Variants in SUCLG2 observed in about 807,000 individuals in gnomAD.
SUCLG2 encodes succinate--CoA ligase [GDP-forming] subunit beta, mitochondrial.
SUCLG2 carries 42 observed loss-of-function variants against 47.9 expected under a neutral mutation model. The ratio of observed to expected loss-of-function variants is 0.88; its 90% CI spans 0.69 to 1.14. SUCLG2 has a LOEUF of 1.14. Among genes scored for constraint, SUCLG2 ranks in the 50% most tolerant of loss-of-function variants. The probability of loss-of-function intolerance (pLI) is 0.00; values close to 1 mark genes in which losing one functional copy is unlikely to be tolerated. For synonymous variants in SUCLG2, 195 were observed against 197.3 expected (o/e 0.99, Z 0.10); for missense variants, 571 against 525.9 (o/e 1.09, Z -0.84).
At chr3:67,480,050 C>T (rs1164298128) in intron 9 of SUCLG2, among the ~76,000 whole-genome samples, 2 of 151,864 alleles carry the variant, frequency 1.3e-5, no homozygotes, top group South Asian at 2.1e-4. Context: ...GGTTATAAAG[C>T]GTATGGGGAA....
chr3:67,416,888 C>T (rs990299173), intron 9 of SUCLG2, among the ~76,000 whole-genome samples: 3 of 152,026 alleles, frequency 2.0e-5, no homozygotes, highest in Non-Finnish European at 4.4e-5. Context: ...GTATGAACTA[C>T]AACTGAGACA....
intron 2 of SUCLG2, among the ~76,000 whole-genome samples, chr3:67,554,977 T>C (rs1056875099): frequency 6.6e-6 from 1 of 152,120 alleles, no homozygotes; most frequent in African/African-American, 2.4e-5. Context: ...CTGAGGGATG[T>C]TGGGGAGCTT....
At chr3:67,423,468 G>A (rs967672349) in intron 9 of SUCLG2, among the ~76,000 whole-genome samples, 4 of 152,158 alleles carry the variant, frequency 2.6e-5, no homozygotes, top group South Asian at 4.2e-4. Context: ...TCCATTACAG[G>A]GCTAACCTGA....
At chr3:67,466,671 AC>A (rs1485496134) in intron 9 of SUCLG2, among the ~76,000 whole-genome samples, 11 of 152,158 alleles carry the variant, frequency 7.2e-5, no homozygotes, top group African/African-American at 2.7e-4. Flanking sequence ...ATATGGCAAA[AC>A]CTGGGTCTTG....
chr3:67,647,641 C>T (rs1701215111), intron 1 of SUCLG2, among the ~76,000 whole-genome samples: 1 of 152,202 alleles, frequency 6.6e-6, no homozygotes, highest in South Asian at 2.1e-4. Context: ...GTCGTCACTA[C>T]TAAGTCAACA....
At chr3:67,533,388 T>C (rs1005197860) in intron 2 of SUCLG2, among the ~76,000 whole-genome samples, 2 of 152,300 alleles carry the variant, frequency 1.3e-5, no homozygotes, top group Non-Finnish European at 2.9e-5. Flanking sequence ...CAGAAACTGA[T>C]TTCTGTGGTT....
intron 10 of SUCLG2, among the ~76,000 whole-genome samples, chr3:67,389,275 G>T (rs917852700): frequency 6.6e-6 from 1 of 152,118 alleles, no homozygotes; most frequent in African/African-American, 2.4e-5. Flanking sequence ...GTCAGAAAGG[G>T]AACTCAATAG....
At chr3:67,466,062 T>TA (rs1249139643) in intron 9 of SUCLG2, among the ~76,000 whole-genome samples, 1 of 152,148 alleles carries the variant, frequency 6.6e-6, no homozygotes, top group Non-Finnish European at 1.5e-5. Context: ...TACCCTGCTT[T>TA]AAAAAATTGG....
chr3:67,439,249 G>A (rs1050325539), intron 9 of SUCLG2, among the ~76,000 whole-genome samples: 1 of 152,140 alleles, frequency 6.6e-6, no homozygotes, highest in Non-Finnish European at 1.5e-5. Context: ...AAAATAATAA[G>A]AGCTATTTAT....
At chr3:67,626,227 C>T (rs1307108052) in intron 1 of SUCLG2, among the ~76,000 whole-genome samples, 2 of 151,888 alleles carry the variant, frequency 1.3e-5, no homozygotes, top group Non-Finnish European at 2.9e-5. Context: ...CTCCTGACCT[C>T]GTGATCTGCC....
chr3:67,567,667 A>C (rs1191418753), intron 2 of SUCLG2, among the ~76,000 whole-genome samples: 2 of 152,170 alleles, frequency 1.3e-5, no homozygotes, highest in African/African-American at 4.8e-5. Flanking sequence ...CTTTATTCCC[A>C]CTTATACAGA....
chr3:67,556,771 A>T (rs1559570614), intron 2 of SUCLG2, among the ~76,000 whole-genome samples: 1 of 152,202 alleles, frequency 6.6e-6, no homozygotes, highest in Non-Finnish European at 1.5e-5. Context: ...AAGAGTTACC[A>T]AGGACAACAT....
Position 67,380,403 on chromosome 3 carries a change from G to GA in SUCLG2, c.1184-4545dup, listed in dbSNP as rs371331768. Among the ~76,000 whole-genome samples, 1,062 of 152,194 alleles carry GA rather than the reference G, an allele frequency of 7.0e-3. 13 individuals carry two copies. Among genetic ancestry groups the GA allele is most frequent in the African/African-American group, 0.023 (973 of 41,522 alleles). ...AGAAAGGGGACGGAGCAGTTTCCCA[G>GA]AAAACCACAACCCTTCTCTCCTCCC... On this transcript the variant is annotated intron_variant, in intron 10 of 10. Transcript: ENST00000307227.
intron 9 of SUCLG2, among the ~76,000 whole-genome samples, chr3:67,454,343 C>T (rs549286787): frequency 2.2e-4 from 34 of 151,880 alleles, no homozygotes; most frequent in African/African-American, 8.0e-4. Context: ...GGGTTGTGGT[C>T]GCACTGGTGG....
intron 1 of SUCLG2, among the ~76,000 whole-genome samples, chr3:67,645,125 T>G (rs1353336805): frequency 6.6e-6 from 1 of 152,172 alleles, no homozygotes; most frequent in East Asian, 1.9e-4. Flanking sequence ...TATTCTCACT[T>G]GGGGCCCTTT....
At chr3:67,595,826 C>T (rs1050042103) in intron 2 of SUCLG2, among the ~76,000 whole-genome samples, 2 of 152,170 alleles carry the variant, frequency 1.3e-5, no homozygotes, top group African/African-American at 4.8e-5. Context: ...TTTCTACCAC[C>T]TAGCACACAC....
At chr3:67,554,647 T>C (rs1012973998) in intron 2 of SUCLG2, among the ~76,000 whole-genome samples, 20 of 152,206 alleles carry the variant, frequency 1.3e-4, no homozygotes, top group Non-Finnish European at 2.1e-4. Context: ...TTGAAAACTT[T>C]ACATAAGAGA....
intron 10 of SUCLG2, among the ~76,000 whole-genome samples, chr3:67,367,297 C>A (rs1465371617): frequency 6.6e-6 from 1 of 151,912 alleles, no homozygotes; most frequent in African/African-American, 2.4e-5. Flanking sequence ...TATTTATCCC[C>A]CCAAAAAGTA....
At position 67,539,107 on chromosome 3, in the gene SUCLG2, T is replaced by C. The variant is rs897388668; in HGVS notation, c.227-9921A>G. Among the ~76,000 whole-genome samples, 11 of 152,258 alleles carry C rather than the reference T, an allele frequency of 7.2e-5. No homozygotes were observed. In the East Asian group the frequency reaches 2.1e-3, roughly 29 times the overall value. ...CTTCTAATACTATGTTGAATAGGAG[T>C]GGTGAGAGAGGGCATCCTTGTCTTG... On this transcript the variant is annotated intron_variant, in intron 2 of 10. Coordinates refer to ENST00000307227, the MANE Select transcript of SUCLG2 (RefSeq NM_003848.4).
Sources: gnomAD v4.1 joint callset for allele counts (sites outside exome capture counted in the v4.1 genomes callset) on GRCh38, gnomAD v4.1.1 for gene constraint, MANE v1.5 for transcripts, NCBI Gene and HGNC (gene_info 2026-07-23, HGNC 2026-07-21) for gene names.